PHACTR3: variants seen among roughly 807,000 people sequenced by gnomAD.
PHACTR3 encodes the protein phosphatase and actin regulator 3.
Under a neutral mutation model 66.8 loss-of-function variants are expected in PHACTR3, and 16 were observed. That is an observed-to-expected ratio of 0.24 (90% CI 0.16 to 0.36). The LOEUF (loss-of-function observed/expected upper bound fraction) is 0.36. Among genes scored for constraint, PHACTR3 ranks in the 10% least tolerant of loss-of-function variants. PHACTR3 has a pLI of 1.00. For synonymous variants in PHACTR3, 323 were observed against 292.1 expected (o/e 1.11, Z -1.08); for missense variants, 647 against 719.9 (o/e 0.90, Z 1.16).
At chr20:59,754,008 A>G (rs771245712) in intron 3 of PHACTR3, among the ~76,000 whole-genome samples, 3 of 152,242 alleles carry the variant, frequency 2.0e-5, no homozygotes, top group Admixed American at 6.5e-5. Flanking sequence ...CTGTGTCGAC[A>G]TGTGCAGGTC....
intron 7 of PHACTR3, among the ~76,000 whole-genome samples, chr20:59,797,318 C>T (rs368959428): frequency 4.8e-4 from 73 of 151,210 alleles, no homozygotes; most frequent in African/African-American, 1.5e-3. Context: ...TCTTCTCATG[C>T]GATTCATAAA....
intron 1 of PHACTR3, among the ~76,000 whole-genome samples, chr20:59,649,859 C>T (rs1441051357): frequency 6.6e-6 from 1 of 151,628 alleles, no homozygotes; most frequent in Admixed American, 6.6e-5. Flanking sequence ...TGTTTTTTGC[C>T]CTGAAGGTCC....
chr20:59,767,254 CT>C lies in PHACTR3; in HGVS notation c.611del (p.Leu204ProfsTer5). 6.2e-7 allele frequency: 1 copy of C among 1,614,262 alleles called. No individual in the cohort carries two copies. The stretch of plus-strand genomic sequence containing the variant: ...CAGCCTCCTGCCCACCACCAATGAG[CT>C]CTCCCAAGCCTTAGCTGGGGCTGAC... ...AGSLLPTTNE[L>X]SQALAGADSL... is the part of the protein sequence containing the mutation. On this transcript the variant is annotated frameshift_variant, in exon 5 of 13. Transcript: ENST00000371015. LOFTEE classifies it high-confidence loss of function.
At chr20:59,787,031 A>G (rs2040939105) in intron 7 of PHACTR3, among the ~76,000 whole-genome samples, 1 of 152,206 alleles carries the variant, frequency 6.6e-6, no homozygotes, top group African/African-American at 2.4e-5. Flanking sequence ...AGTAAGGGAA[A>G]TCATGCAGAG....
At chr20:59,791,054 G>A (rs1346002995) in intron 7 of PHACTR3, among the ~76,000 whole-genome samples, 2 of 152,142 alleles carry the variant, frequency 1.3e-5, no homozygotes, top group Non-Finnish European at 2.9e-5. Context: ...AGCCTGGTGA[G>A]CACCTTTCAG....
At chr20:59,763,370 T>C (rs900552118) in intron 4 of PHACTR3, among the ~76,000 whole-genome samples, 3 of 152,198 alleles carry the variant, frequency 2.0e-5, no homozygotes, top group Non-Finnish European at 4.4e-5. Flanking sequence ...TTTTTAGCAG[T>C]GTAAGAAGAG....
intron 5 of PHACTR3, among the ~76,000 whole-genome samples, chr20:59,770,757 G>T (rs527338442): frequency 6.6e-6 from 1 of 152,308 alleles, no homozygotes; most frequent in South Asian, 2.1e-4. Flanking sequence ...TGGAGAAATT[G>T]CAGGAGGTCC....
intron 1 of PHACTR3, among the ~76,000 whole-genome samples, chr20:59,697,770 G>A (rs1346952323): frequency 1.3e-5 from 2 of 152,100 alleles, no homozygotes; most frequent in African/African-American, 4.8e-5. Flanking sequence ...ACCCAGTCTT[G>A]GGTAGTTCTT....
chr20:59,629,391 A>T (rs1265985257), intron 1 of PHACTR3, among the ~76,000 whole-genome samples: 1 of 152,208 alleles, frequency 6.6e-6, no homozygotes, highest in Non-Finnish European at 1.5e-5. Context: ...GTTCTGGCTG[A>T]GCTCATCTCC....
intron 1 of PHACTR3, among the ~76,000 whole-genome samples, chr20:59,625,769 G>A (rs1358858238): frequency 3.9e-5 from 6 of 152,104 alleles, no homozygotes; most frequent in Non-Finnish European, 7.3e-5. Flanking sequence ...GTGACAGCCC[G>A]GGGCTGTTTC....
chr20:59,611,985 G>A (rs947282097), intron 1 of PHACTR3, among the ~76,000 whole-genome samples: 2 of 152,290 alleles, frequency 1.3e-5, no homozygotes, highest in South Asian at 4.1e-4. Context: ...ACACAGGTGA[G>A]CCTTGTTAAT....
intron 1 of PHACTR3, among the ~76,000 whole-genome samples, chr20:59,723,134 C>T (rs780986756): frequency 3.5e-5 from 4 of 114,208 alleles, no homozygotes; most frequent in Non-Finnish European, 7.2e-5. Flanking sequence ...CTTTATTGAA[C>T]TATAATTCAC....
At chr20:59,710,875 A>C (rs1364551901) in intron 1 of PHACTR3, among the ~76,000 whole-genome samples, 3 of 151,382 alleles carry the variant, frequency 2.0e-5, no homozygotes, top group East Asian at 2.0e-4. Context: ...TTCAAATGCT[A>C]CACCTTCAGA....
At chr20:59,686,416 T>A (rs534897566) in intron 1 of PHACTR3, among the ~76,000 whole-genome samples, 96 of 152,222 alleles carry the variant, frequency 6.3e-4, no homozygotes, top group Non-Finnish European at 6.3e-4. Flanking sequence ...ATGTTTAAAG[T>A]CCTGGAACAG....
chr20:59,702,051 T>A (rs896088760), intron 1 of PHACTR3, among the ~76,000 whole-genome samples: 1 of 152,272 alleles, frequency 6.6e-6, no homozygotes, highest in Non-Finnish European at 1.5e-5. Context: ...CATTTCTTTT[T>A]ATTGTTGCTT....
intron 1 of PHACTR3, among the ~76,000 whole-genome samples, chr20:59,631,727 C>T (rs1409565358): frequency 1.3e-5 from 2 of 152,156 alleles, no homozygotes; most frequent in African/African-American, 2.4e-5. Flanking sequence ...CAACAGAAGA[C>T]AGTCTTTTCA....
At chr20:59,669,919 T>C (rs2036133017) in intron 1 of PHACTR3, among the ~76,000 whole-genome samples, 2 of 152,244 alleles carry the variant, frequency 1.3e-5, no homozygotes, top group South Asian at 4.1e-4. Flanking sequence ...TTAACCTAAA[T>C]TGCCTTTCAC....
intron 1 of PHACTR3, among the ~76,000 whole-genome samples, chr20:59,716,539 C>T (rs974385020): frequency 4.7e-5 from 5 of 106,556 alleles, no homozygotes; most frequent in African/African-American, 1.5e-4. Context: ...CCACTGCACC[C>T]GGCCCTCTTC....
intron 7 of PHACTR3, among the ~76,000 whole-genome samples, chr20:59,790,240 C>T (rs1478338245): frequency 6.6e-6 from 1 of 151,902 alleles, no homozygotes; most frequent in African/African-American, 2.4e-5. Context: ...ATCTTAGTAC[C>T]CATTAGTTAG....
Sources: allele counts gnomAD v4.1 joint callset (sites outside exome capture counted in the v4.1 genomes callset), GRCh38; gene constraint gnomAD v4.1.1; transcripts MANE v1.5; gene names NCBI Gene and HGNC (gene_info 2026-07-23, HGNC 2026-07-21).